Variants in TENM2 observed in about 807,000 individuals in gnomAD.
The protein encoded by TENM2 is teneurin transmembrane protein 2.
A neutral mutation model predicts 245.2 loss-of-function variants in TENM2; 52 were observed. The observed-to-expected ratio is 0.21, with a 90% CI of 0.17 to 0.27. The LOEUF (loss-of-function observed/expected upper bound fraction) is 0.27, where lower values mean the gene tolerates loss of function less well. TENM2 is among the 10% of genes least tolerant of loss of function. TENM2 has a pLI of 1.00. For synonymous variants in TENM2, 1,363 were observed against 1,438.9 expected (o/e 0.95, Z 1.19); for missense variants, 3,046 against 3,666.8 (o/e 0.83, Z 4.37).
chr5:168,179,083 C>T (rs1159652250), intron 13 of TENM2, among the ~76,000 whole-genome samples: 5 of 140,244 alleles, frequency 3.6e-5, no homozygotes, highest in South Asian at 2.3e-4. Context: ...TGCAGTGAGT[C>T]GAGATCGAGC....
At chr5:167,879,315 G>C (rs1435262706) in intron 3 of TENM2, among the ~76,000 whole-genome samples, 2 of 152,156 alleles carry the variant, frequency 1.3e-5, no homozygotes, top group Non-Finnish European at 2.9e-5. Flanking sequence ...CCCAGGTACA[G>C]TTAGTGAGAT....
chr5:168,003,240 G>GTCTGTTT (rs1784540338), intron 5 of TENM2, among the ~76,000 whole-genome samples: 1 of 151,734 alleles, frequency 6.6e-6, no homozygotes, highest in Admixed American at 6.6e-5. Flanking sequence ...TTTTTATCCA[G>GTCTGTTT]TCTGTTTTAA....
At chr5:167,784,286 T>C (rs1376943098) in intron 2 of TENM2, among the ~76,000 whole-genome samples, 1 of 152,220 alleles carries the variant, frequency 6.6e-6, no homozygotes, top group African/African-American at 2.4e-5. Flanking sequence ...TGAAGGGGTT[T>C]TGTTGTTTTG....
intron 2 of TENM2, among the ~76,000 whole-genome samples, chr5:167,533,919 C>T (rs189570083): frequency 1.3e-5 from 2 of 152,276 alleles, no homozygotes; most frequent in Non-Finnish European, 1.5e-5. Context: ...AGTGTTCAAA[C>T]TCCTGTCACT....
intron 2 of TENM2, among the ~76,000 whole-genome samples, chr5:167,601,732 G>T (rs1046016683): frequency 6.6e-6 from 1 of 152,170 alleles, no homozygotes; most frequent in African/African-American, 2.4e-5. Context: ...ATGAATCACT[G>T]AGATAATGTA....
rs904778373 is a variant in TENM2 at position 168,253,424 on chromosome 5, A to T, written c.7432+5053A>T. 6.6e-4 allele frequency among the ~76,000 whole-genome samples: 93 copies of T among 139,862 alleles called. 1 individual carries two copies. Among genetic ancestry groups the T allele is most frequent in the African/African-American group, 1.6e-3 (60 of 37,218 alleles). The allele number at this position is 139,862 out of a possible 152,430, so 91.8% of individuals were successfully genotyped here. The stretch of plus-strand genomic sequence containing the variant: ...AAAAAAGCTAATAAATGCATTCATT[A>T]TTTTATTTTTTTTTTTTTTGAGACA... On this transcript the variant is annotated intron_variant, in intron 27 of 28. Coordinates refer to ENST00000518659, the Ensembl canonical transcript of TENM2.
At chr5:167,330,117 G>A (rs1757351823) in intron 1 of TENM2, among the ~76,000 whole-genome samples, 1 of 152,030 alleles carries the variant, frequency 6.6e-6, no homozygotes, top group South Asian at 2.1e-4. Flanking sequence ...TTCTCTAAAT[G>A]TTGTTTCCTT....
intron 5 of TENM2, among the ~76,000 whole-genome samples, chr5:168,039,365 G>T (rs1216140991): frequency 6.6e-6 from 1 of 152,074 alleles, no homozygotes; most frequent in Non-Finnish European, 1.5e-5. Flanking sequence ...TGACAAGCTC[G>T]GAGGGGAGAA....
At chr5:167,991,907 A>G (rs1783697326) in intron 4 of TENM2, among the ~76,000 whole-genome samples, 1 of 152,210 alleles carries the variant, frequency 6.6e-6, no homozygotes, top group Non-Finnish European at 1.5e-5. Context: ...TCAAAGGCTA[A>G]TATCTCCAAT....
intron 13 of TENM2, among the ~76,000 whole-genome samples, chr5:168,164,115 G>A (rs1757999348): frequency 6.6e-6 from 1 of 152,206 alleles, no homozygotes; most frequent in African/African-American, 2.4e-5. Context: ...CTTTGTGTAA[G>A]TGCGCTGGCT....
In TENM2 at chr5:168,162,566, C is replaced by T. The variant is rs373856170; in HGVS notation, c.2423-45C>T. The stretch of plus-strand genomic sequence containing the variant: ...GCATGGCTCCCCTGCTTCCCCAGCG[C>T]GGCCTCACGTCCCTCCTTCTCATCC... On this transcript the variant is annotated intron_variant, in intron 12 of 28. Coordinates refer to ENST00000518659, the Ensembl canonical transcript of TENM2. 4.0e-5 allele frequency: 64 copies of T among 1,599,410 alleles called. 1 individual carries two copies. The highest frequency in any genetic ancestry group is 2.7e-4 in the East Asian group (12 of 44,476).
chr5:167,190,444 A>T, the TENM2 span, among the ~76,000 whole-genome samples: 1 of 151,908 alleles, frequency 6.6e-6, no homozygotes, highest in Non-Finnish European at 1.5e-5. Flanking sequence ...GAGAAATTAG[A>T]TTGGTGGGAG....
At chr5:168,047,694 T>G in intron 6 of TENM2, 145 bp downstream of exon 8, 1 of 1,017,182 alleles carries the variant, frequency 9.8e-7, no homozygotes, top group Non-Finnish European at 1.4e-6. Flanking sequence ...CTTTCATAGG[T>G]GCCCCCATTA....
At chr5:167,237,233 A>C in the TENM2 span, among the ~76,000 whole-genome samples, 1 of 152,206 alleles carries the variant, frequency 6.6e-6, no homozygotes, top group African/African-American at 2.4e-5. Flanking sequence ...CAAGTGCCTG[A>C]CACATGGTAG....
At chr5:168,228,417 T>A (rs1764450744) in intron 25 of TENM2, among the ~76,000 whole-genome samples, 1 of 152,214 alleles carries the variant, frequency 6.6e-6, no homozygotes, top group Non-Finnish European at 1.5e-5. Flanking sequence ...CATTTCCTGC[T>A]ATGGGGATTT....
chr5:168,095,987 G>A (rs530713582), intron 8 of TENM2, among the ~76,000 whole-genome samples: 61 of 152,306 alleles, frequency 4.0e-4, no homozygotes, highest in African/African-American at 1.5e-3. Flanking sequence ...GGGTTGCACT[G>A]CAGGAGAAAA....
At chr5:167,754,910 G>C (rs1032147211) in intron 2 of TENM2, 2 of 1,083,326 alleles carry the variant, frequency 1.8e-6, no homozygotes, top group Admixed American at 4.9e-5. Context: ...AGAAAGGGAG[G>C]AGGGAGAGAG....
intron 5 of TENM2, chr5:168,033,114 C>T (rs1010775778): frequency 1.2e-4 from 19 of 152,082 alleles, no homozygotes; most frequent in South Asian, 2.1e-4. Flanking sequence ...GCATGTATAA[C>T]AACTCATGGG....
At chr5:167,988,738 C>T (rs147095827) in intron 4 of TENM2, among the ~76,000 whole-genome samples, 74 of 152,292 alleles carry the variant, frequency 4.9e-4, no homozygotes, top group African/African-American at 1.7e-3. Context: ...ATGAGAAAGA[C>T]ACCTGATTTT....
Sources: allele counts gnomAD v4.1 joint callset (sites outside exome capture counted in the v4.1 genomes callset), GRCh38; gene constraint gnomAD v4.1.1; transcripts MANE v1.5; gene names NCBI Gene and HGNC (gene_info 2026-07-23, HGNC 2026-07-21).